The following CREB1 variants were observed in gnomAD, a reference collection of about 807,000 sequenced individuals.
The protein encoded by CREB1 is cyclic AMP-responsive element-binding protein 1.
A neutral mutation model predicts 42.0 loss-of-function variants in CREB1; 2 were observed. That is an observed-to-expected ratio of 0.05 (90% CI 0.02 to 0.15). CREB1 has a LOEUF of 0.15. Among genes scored for constraint, CREB1 ranks in the 10% least tolerant of loss-of-function variants. CREB1 has a pLI of 1.00. For synonymous variants in CREB1, 123 were observed against 139.9 expected, an observed-to-expected ratio of 0.88 and a Z score of 0.85; for missense variants, 199 against 388.9, an observed-to-expected ratio of 0.51 and a Z score of 4.11.
chr2:207,538,266 A>G (rs563167979), intron 1 of CREB1, among the ~76,000 whole-genome samples: 15 of 152,322 alleles, frequency 9.8e-5, no homozygotes, highest in African/African-American at 3.4e-4. Context: ...TTATTCCAAC[A>G]GATGAGAAGG....
In CREB1 at chr2:207,603,348, G is replaced by A. The variant is rs898124596; in HGVS notation, c.*6290G>A. 6 of 224,020 alleles carry A rather than the reference G, an allele frequency of 2.7e-5. No homozygotes were observed. The highest frequency in any genetic ancestry group is 5.3e-5 in the Non-Finnish European group (6 of 112,392). The allele number at this position is 224,020 out of a possible 1,614,324, so 13.9% of individuals were successfully genotyped here. On this transcript the variant is annotated 3_prime_UTR_variant, in exon 8 of 8. Transcript: ENST00000353267. ...TTGTCATAAAGTGCTTTTTCTTACT[G>A]TAATCTTTGTGGTATCAACTGTCAT...
intron 3 of CREB1, among the ~76,000 whole-genome samples, chr2:207,566,878 CTAGG>C (rs1367880765): frequency 6.6e-6 from 1 of 152,118 alleles, no homozygotes; most frequent in Non-Finnish European, 1.5e-5. Context: ...ACTTTTCAGT[CTAGG>C]TATTCTTATC....
At chr2:207,545,749 G>A (rs200564670) in intron 1 of CREB1, among the ~76,000 whole-genome samples, 2 of 88,002 alleles carry the variant, frequency 2.3e-5, no homozygotes, top group African/African-American at 4.7e-5. Flanking sequence ...TTTTTTTTTT[G>A]TGAGATGGAG....
intron 1 of CREB1, among the ~76,000 whole-genome samples, chr2:207,530,972 T>A (rs2080596027): frequency 6.9e-6 from 1 of 145,310 alleles, no homozygotes; most frequent in African/African-American, 2.5e-5. Flanking sequence ...CCCCTTTGCT[T>A]TTTTTTTTTT....
rs375485293 is a variant in CREB1, at chr2:207,535,745, CT to C, written c.-9+5621del. On this transcript the variant is annotated intron_variant, in intron 1 of 7. Transcript: ENST00000353267. ...CAAAGCACAAAATGCGTTTCACTAC[CT>C]TTTTTTTTTCCTCTAGCTTTTCGAA... 2.6e-3 allele frequency among the ~76,000 whole-genome samples: 384 copies of C among 148,808 alleles called. 1 individual carries two copies. Among genetic ancestry groups the C allele is most frequent in the South Asian group, 5.5e-3 (26 of 4,698 alleles).
intron 7 of CREB1, 116 bp from the exon 8 acceptor site, chr2:207,596,798 A>G (rs781096866): frequency 8.5e-7 from 1 of 1,177,576 alleles, no homozygotes; most frequent in Admixed American, 2.6e-5. Context: ...TGCTTAATAT[A>G]TACTAAAATG....
intron 7 of CREB1, among the ~76,000 whole-genome samples, chr2:207,590,395 T>C (rs919126646): frequency 3.9e-5 from 6 of 152,072 alleles, no homozygotes; most frequent in East Asian, 1.9e-4. Context: ...ATTTTGTTGA[T>C]TGTTTTTAAG....
At chr2:207,567,674 C>A in intron 4 of CREB1, 111 bp downstream of exon 4, 1 of 595,472 alleles carries the variant, frequency 1.7e-6, no homozygotes, top group Non-Finnish European at 2.9e-6. Context: ...TTATAGATTA[C>A]TTTTCTTCAT....
At position 207,599,089 on chromosome 2, in the gene CREB1, A is replaced by T. The variant is rs2086641125; in HGVS notation, c.*2031A>T. 1 of 190,094 alleles carries T rather than the reference A, an allele frequency of 5.3e-6. No homozygotes were observed. Among genetic ancestry groups the T allele is most frequent in the Non-Finnish European group, 1.1e-5 (1 of 90,718 alleles). 11.8% of individuals were successfully genotyped at this position (190,094 alleles called of 1,614,324 possible). ...ATTGTCTTTTTTCAAGGATGAACAGAGTTTATGAAGGAGCATCATTCTAAG... is the reference window on the plus strand; with the variant it reads ...ATTGTCTTTTTTCAAGGATGAACAGTGTTTATGAAGGAGCATCATTCTAAG... On this transcript the variant is annotated 3_prime_UTR_variant, in exon 8 of 8. Transcript: ENST00000353267.
rs745381312 is a variant in CREB1, at chr2:207,605,067, A to G, written c.*8009A>G. 2.0e-5 allele frequency among the ~76,000 whole-genome samples: 3 copies of G among 152,152 alleles called. No homozygotes were observed. The highest frequency in any genetic ancestry group is 6.6e-5 in the Admixed American group (1 of 15,266). ...ACAAGTATTTGAGTCCGTGTTTTCA[A>G]TTATTTGGGGTATATGCCTGGGAGT... On this transcript the variant is annotated 3_prime_UTR_variant, in exon 8 of 8. Transcript: ENST00000353267.
At chr2:207,589,821 TATC>T (rs769217403) in intron 7 of CREB1, among the ~76,000 whole-genome samples, 2 of 152,208 alleles carry the variant, frequency 1.3e-5, no homozygotes, top group Non-Finnish European at 2.9e-5. Flanking sequence ...GGTCATGAAG[TATC>T]ATTTATACAT....
chr2:207,540,222 C>T (rs181533277), intron 1 of CREB1, among the ~76,000 whole-genome samples: 3 of 152,320 alleles, frequency 2.0e-5, no homozygotes, highest in Admixed American at 2.0e-4. Context: ...ATGACAGCTC[C>T]ATGCATGTGA....
At chr2:207,572,023 C>A (rs749707547) in intron 5 of CREB1, among the ~76,000 whole-genome samples, 10 of 152,006 alleles carry the variant, frequency 6.6e-5, no homozygotes, top group African/African-American at 9.7e-5. Context: ...GTCAGGAGTT[C>A]AAGACCAGCC....
intron 2 of CREB1, among the ~76,000 whole-genome samples, 155 bp from the exon 3 acceptor site, chr2:207,560,071 A>T (rs182271949): frequency 1.4e-3 from 210 of 152,310 alleles, no homozygotes; most frequent in African/African-American, 4.9e-3. Context: ...TTTTTTCTTA[A>T]AGAATATTAA....
At chr2:207,541,018 G>A (rs1019731249) in intron 1 of CREB1, among the ~76,000 whole-genome samples, 7 of 152,114 alleles carry the variant, frequency 4.6e-5, no homozygotes, top group African/African-American at 1.2e-4. Context: ...TTAGAAGTTC[G>A]AGACCAGCCT....
intron 6 of CREB1, among the ~76,000 whole-genome samples, chr2:207,575,947 C>G (rs78084938): frequency 1.8e-5 from 1 of 56,500 alleles, no homozygotes; most frequent in African/African-American, 4.5e-5. Flanking sequence ...CCCCCCCCCC[C>G]CAAAAGAAAT....
chr2:207,548,247 C>G (rs2081371223), intron 1 of CREB1, among the ~76,000 whole-genome samples: 1 of 152,094 alleles, frequency 6.6e-6, no homozygotes, highest in African/African-American at 2.4e-5. Flanking sequence ...TTCTAACACA[C>G]TTCTGTTAAA....
rs1403833154 is a variant in CREB1, at chr2:207,575,417, G to A, written c.651G>A (p.Gln217=). The part of the protein sequence containing the change: ...ILQYAQTTDG[Q]QILVPSNQVV... The stretch of plus-strand genomic sequence containing the variant: ...AGTATGCACAGACCACTGATGGACA[G>A]CAGATCTTAGTGCCCAGCAACCAAG... Residue 217 remains glutamine (Q), a synonymous_variant, in exon 6 of 8, where the codon CAG becomes CAA. Coordinates refer to ENST00000353267, the MANE Select transcript of CREB1 (RefSeq NM_004379.5). 1.9e-6 allele frequency: 3 copies of A among 1,613,136 alleles called. No individual in the cohort carries two copies. Among genetic ancestry groups the A allele is most frequent in the East Asian group, 2.2e-5 (1 of 44,884 alleles).
rs2087525081 is a variant in CREB1 at position 207,603,664 on chromosome 2, G to T, written c.*6606G>T. On this transcript the variant is annotated 3_prime_UTR_variant, in exon 8 of 8. Coordinates refer to ENST00000353267, the MANE Select transcript of CREB1 (RefSeq NM_004379.5). ...AGTGCCTATTTGTGGATTTGGAGAT[G>T]TTACTGTCAAGATGACTAATGGAGA... Among the ~76,000 whole-genome samples, 1 of 152,166 alleles carries T rather than the reference G, an allele frequency of 6.6e-6. No individual in the cohort carries two copies. Among genetic ancestry groups the T allele is most frequent in the Non-Finnish European group, 1.5e-5 (1 of 68,026 alleles).
Sources: gnomAD v4.1 joint callset for allele counts (sites outside exome capture counted in the v4.1 genomes callset) on GRCh38, gnomAD v4.1.1 for gene constraint, MANE v1.5 for transcripts, NCBI Gene and HGNC (gene_info 2026-07-23, HGNC 2026-07-21) for gene names.